RUNDC3B: variants seen among roughly 807,000 people sequenced by gnomAD.
The protein encoded by RUNDC3B is RUN domain containing 3B, also known as RUN domain-containing protein 3B.
Under a neutral mutation model 58.4 loss-of-function variants are expected in RUNDC3B, and 33 were observed. The ratio of observed to expected loss-of-function variants is 0.56; its 90% CI spans 0.43 to 0.75. RUNDC3B has a LOEUF of 0.75. Among genes scored for constraint, RUNDC3B ranks in the 30% least tolerant of loss-of-function variants. The pLI, the probability that RUNDC3B is intolerant of heterozygous loss-of-function variation, is 0.00. For missense variants in RUNDC3B, 501 were observed against 535.7 expected, an observed-to-expected ratio of 0.94 and a Z score of 0.64; for synonymous variants, 193 against 195.2, an observed-to-expected ratio of 0.99 and a Z score of 0.10.
At chr7:87,682,703 C>T (rs2130597834) in intron 2 of RUNDC3B, among the ~76,000 whole-genome samples, 1 of 152,278 alleles carries the variant, frequency 6.6e-6, no homozygotes, top group South Asian at 2.1e-4. Context: ...GTCATCCAGG[C>T]TTTGTTGCTC....
chr7:87,786,766 T>C (rs951343904), intron 8 of RUNDC3B, among the ~76,000 whole-genome samples: 3 of 152,168 alleles, frequency 2.0e-5, no homozygotes, highest in African/African-American at 7.2e-5. Context: ...CTTTGGATAA[T>C]TGAAAGGAAA....
At chr7:87,767,869 T>G (rs1267976220) in intron 6 of RUNDC3B, among the ~76,000 whole-genome samples, 1 of 152,164 alleles carries the variant, frequency 6.6e-6, no homozygotes, top group Non-Finnish European at 1.5e-5. Flanking sequence ...CAACTTTCAG[T>G]TTAGATAGAC....
At chr7:87,822,781 C>A (rs528065008) in intron 10 of RUNDC3B, among the ~76,000 whole-genome samples, 1 of 152,060 alleles carries the variant, frequency 6.6e-6, no homozygotes. Context: ...AGCAAACTAT[C>A]GCAAGGACAA....
At chr7:87,818,458 TA>T in intron 10 of RUNDC3B, among the ~76,000 whole-genome samples, 1 of 152,308 alleles carries the variant, frequency 6.6e-6, no homozygotes, top group Non-Finnish European at 1.5e-5. Context: ...GATGAGTTAG[TA>T]AGACTCCTAG....
rs758311208 is a variant in RUNDC3B at position 87,628,913 on chromosome 7, G to C, written c.90G>C (p.Ala30=). ...AAAGCCTGAGCGCCCGCAATGCTGC[G>C]GTGGAGAGGAGGAACCTGATCACCG... The part of the protein sequence containing the change: ...GKKSLSARNA[A]VERRNLITVC... The change falls in exon 1 of 11, where the codon GCG becomes GCC. Residue 30 remains alanine (A), a synonymous_variant. Transcript: ENST00000394654. The C allele has an allele frequency of 1.5e-6, 2 of 1,309,210 alleles. No homozygotes were observed. Among genetic ancestry groups the C allele is most frequent in the Non-Finnish European group, 2.0e-6 (2 of 1,020,614 alleles). The allele number at this position is 1,309,210 out of a possible 1,614,324, so 81.1% of individuals were successfully genotyped here.
chr7:87,786,355 T>A (rs1434149246), intron 8 of RUNDC3B, among the ~76,000 whole-genome samples: 2 of 152,194 alleles, frequency 1.3e-5, no homozygotes, highest in Admixed American at 6.5e-5. Flanking sequence ...GAACAAAAAA[T>A]TTTAATATTT....
At chr7:87,829,608 G>A (rs1838027317) in intron 10 of RUNDC3B, among the ~76,000 whole-genome samples, 1 of 152,010 alleles carries the variant, frequency 6.6e-6, no homozygotes, top group African/African-American at 2.4e-5. Context: ...TAGTTGATGT[G>A]ATGCTTCTAG....
intron 3 of RUNDC3B, among the ~76,000 whole-genome samples, chr7:87,703,916 T>TTTTTTTTTTTTGGG (rs1829357433): frequency 4.0e-5 from 1 of 24,888 alleles, no homozygotes; most frequent in African/African-American, 1.5e-4. Context: ...TTTTTTTGGT[T>TTTTTTTTTTTTGGG]TTTTTTTTTT....
At chr7:87,706,045 T>C (rs1214338109) in intron 3 of RUNDC3B, among the ~76,000 whole-genome samples, 1 of 152,204 alleles carries the variant, frequency 6.6e-6, no homozygotes, top group African/African-American at 2.4e-5. Flanking sequence ...CAGTTCTTGT[T>C]TTTAGCTAGA....
At chr7:87,693,525 A>G (rs1177456695) in intron 2 of RUNDC3B, among the ~76,000 whole-genome samples, 2 of 152,160 alleles carry the variant, frequency 1.3e-5, no homozygotes, top group Non-Finnish European at 2.9e-5. Context: ...AACCAATCTT[A>G]TAAGTTCTGA....
intron 1 of RUNDC3B, among the ~76,000 whole-genome samples, chr7:87,630,927 TCA>T (rs1482609466): frequency 6.6e-6 from 1 of 152,180 alleles, no homozygotes; most frequent in Non-Finnish European, 1.5e-5. Flanking sequence ...TTTAGGAACG[TCA>T]CACTGATTTC....
Position 87,661,769 on chromosome 7 carries a change from G to C in RUNDC3B, c.238+10832G>C, listed in dbSNP as rs1824738807. Among the ~76,000 whole-genome samples, 7 of 151,930 alleles carry C rather than the reference G, an allele frequency of 4.6e-5. No homozygotes were observed. In the South Asian group the frequency reaches 1.5e-3, roughly 32 times the overall value. On this transcript the variant is annotated intron_variant, in intron 2 of 10. Transcript: ENST00000394654. Reference sequence around the variant, plus strand: ...TTCCTTTCTTTTAGGTATATATCTAGCACTGGGATAGCTGGATCATATGGT... The same window carrying C: ...TTCCTTTCTTTTAGGTATATATCTACCACTGGGATAGCTGGATCATATGGT...
chr7:87,747,529 C>T (rs915842338), intron 6 of RUNDC3B, among the ~76,000 whole-genome samples: 3 of 151,996 alleles, frequency 2.0e-5, no homozygotes, highest in Non-Finnish European at 4.4e-5. Context: ...CAGTGGTGGG[C>T]GGGACCCTAG....
At chr7:87,689,031 A>G (rs1827753979) in intron 2 of RUNDC3B, among the ~76,000 whole-genome samples, 1 of 152,028 alleles carries the variant, frequency 6.6e-6, no homozygotes, top group Non-Finnish European at 1.5e-5. Flanking sequence ...TTTCAGGTTT[A>G]TTTTACATGA....
intron 2 of RUNDC3B, among the ~76,000 whole-genome samples, chr7:87,675,080 GTGGTGA>G (rs1826190805): frequency 6.6e-6 from 1 of 152,246 alleles, no homozygotes; most frequent in African/African-American, 2.4e-5. Context: ...CTGGCAGTCT[GTGGTGA>G]GAGCGGGCCG....
At chr7:87,686,519 A>G (rs1827477011) in intron 2 of RUNDC3B, among the ~76,000 whole-genome samples, 1 of 152,204 alleles carries the variant, frequency 6.6e-6, no homozygotes, top group South Asian at 2.1e-4. Flanking sequence ...TAGGCCACAT[A>G]GATTAAGAAA....
At chr7:87,808,113 T>G (rs1398351561) in intron 9 of RUNDC3B, among the ~76,000 whole-genome samples, 1 of 152,174 alleles carries the variant, frequency 6.6e-6, no homozygotes, top group Non-Finnish European at 1.5e-5. Flanking sequence ...TATCCTCTTT[T>G]GGCTTTTAGC....
At chr7:87,824,837 C>G (rs1378709055) in intron 10 of RUNDC3B, among the ~76,000 whole-genome samples, 1 of 152,100 alleles carries the variant, frequency 6.6e-6, no homozygotes, top group Admixed American at 6.6e-5. Flanking sequence ...CATTTTGCCC[C>G]TGCCATAGAG....
At chr7:87,708,472 T>C (rs1829797750) in intron 3 of RUNDC3B, among the ~76,000 whole-genome samples, 3 of 152,176 alleles carry the variant, frequency 2.0e-5, no homozygotes, top group African/African-American at 2.4e-5. Context: ...GGATATGTGA[T>C]ATTTTTGCTA....
Sources: allele counts gnomAD v4.1 joint callset (sites outside exome capture counted in the v4.1 genomes callset), GRCh38; gene constraint gnomAD v4.1.1; transcripts MANE v1.5; gene names NCBI Gene and HGNC (gene_info 2026-07-23, HGNC 2026-07-21).